The following CPB1 variants were observed in gnomAD, a reference collection of about 807,000 sequenced individuals.
CPB1 encodes the protein carboxypeptidase B1.
CPB1 carries 53 observed loss-of-function variants against 51.4 expected under a neutral mutation model. The observed-to-expected ratio is 1.03, with a 90% CI of 0.83 to 1.30. CPB1 has a LOEUF of 1.30. CPB1 is among the 50% of genes most tolerant of loss of function. The probability of loss-of-function intolerance (pLI) is 0.00; values close to 1 mark genes in which losing one functional copy is unlikely to be tolerated. For synonymous variants in CPB1, 189 were observed against 186.9 expected (o/e 1.01, Z -0.09); for missense variants, 494 against 516.2 (o/e 0.96, Z 0.42).
chr3:148,838,613 C>A (rs1271198747), intron 3 of CPB1, among the ~76,000 whole-genome samples: 1 of 151,972 alleles, frequency 6.6e-6, no homozygotes, highest in Non-Finnish European at 1.5e-5. Flanking sequence ...CCACGTTTTC[C>A]TGAGTTATGA....
chr3:148,850,034 G>C (rs1025509106), intron 9 of CPB1, among the ~76,000 whole-genome samples: 1 of 152,164 alleles, frequency 6.6e-6, no homozygotes. Flanking sequence ...TCTGCCTCTG[G>C]ACATTAATAA....
Position 148,857,465 on chromosome 3 carries a change from G to C in CPB1, c.990G>C (p.Leu330=). ...TCCTGTTTCTTTTGCAGAATGCCCT[G>C]GCTAAAGCTACTGTGAAAGAACTTG... ...LGENNAELNA[L]AKATVKELAS... is the part of the protein sequence containing the mutation. Residue 330 remains leucine, a synonymous_variant, in exon 10 of 11, where the codon CTG becomes CTC. Coordinates refer to ENST00000282957, the MANE Select transcript of CPB1 (RefSeq NM_001871.3). 2.5e-6 allele frequency: 4 copies of C among 1,613,580 alleles called. No individual in the cohort carries two copies. Among genetic ancestry groups the C allele is most frequent in the Non-Finnish European group, 3.4e-6 (4 of 1,179,684 alleles).
At chr3:148,854,351 G>A (rs1713516451) in intron 9 of CPB1, 1 of 152,066 alleles carries the variant, frequency 6.6e-6, no homozygotes, top group African/African-American at 2.4e-5. Context: ...CTGATTCCAG[G>A]GATTTTTGTT....
intron 6 of CPB1, among the ~76,000 whole-genome samples, chr3:148,842,255 T>C (rs1367268067): frequency 6.6e-6 from 1 of 152,148 alleles, no homozygotes; most frequent in East Asian, 1.9e-4. Context: ...TGAATTTCAC[T>C]CATCTGAACT....
At chr3:148,829,581 T>C (rs1712671483) in intron 2 of CPB1, among the ~76,000 whole-genome samples, 1 of 152,230 alleles carries the variant, frequency 6.6e-6, no homozygotes, top group African/African-American at 2.4e-5. Flanking sequence ...TTAAGATTTA[T>C]CTTGACAGCC....
In CPB1 at chr3:148,845,498, G is replaced by A. The variant is rs1222184171; in HGVS notation, c.853G>A (p.Ala285Thr). The change falls in exon 9 of 11, where the codon GCC (alanine) becomes ACC (threonine). Residue 285 changes from alanine to threonine, a missense_variant. Ala to Thr is a moderately conservative substitution (Grantham distance 58). Transcript: ENST00000282957. ...PAAESEKETK[A>T]LADFIRNKLS... ...CGCAGAGTCTGAAAAGGAGACCAAGGCCCTGGCTGATTTCATCCGCAACAA... is the reference window on the plus strand; with the variant it reads ...CGCAGAGTCTGAAAAGGAGACCAAGACCCTGGCTGATTTCATCCGCAACAA... 3.1e-6 allele frequency: 5 copies of A among 1,613,774 alleles called. No individual in the cohort carries two copies. The African/African-American group carries it at 5.3e-5, about 17-fold the overall frequency.
intron 9 of CPB1, among the ~76,000 whole-genome samples, chr3:148,852,792 T>G (rs538301424): frequency 9.9e-5 from 15 of 152,240 alleles, no homozygotes; most frequent in Non-Finnish European, 1.8e-4. Flanking sequence ...ATAAAAAGTT[T>G]GGTTTTCATC....
chr3:148,856,334 A>G (rs1713566610), intron 9 of CPB1: 1 of 152,246 alleles, frequency 6.6e-6, no homozygotes, highest in Non-Finnish European at 1.5e-5. Context: ...TTAATGCTAT[A>G]GGAATTGGAA....
chr3:148,831,822 C>T (rs997979253), intron 2 of CPB1, among the ~76,000 whole-genome samples: 2 of 152,334 alleles, frequency 1.3e-5, no homozygotes, highest in Non-Finnish European at 2.9e-5. Flanking sequence ...ACATACATCT[C>T]ATTCACAAGG....
intron 3 of CPB1, among the ~76,000 whole-genome samples, chr3:148,835,549 T>C (rs544204110): frequency 6.6e-6 from 1 of 152,254 alleles, no homozygotes; most frequent in South Asian, 2.1e-4. Context: ...ACAGACCATA[T>C]GCTGAGGCTT....
chr3:148,834,819 G>T (rs1311121143), intron 3 of CPB1, among the ~76,000 whole-genome samples, 197 bp downstream of exon 3: 2 of 152,102 alleles, frequency 1.3e-5, no homozygotes, highest in African/African-American at 2.4e-5. Flanking sequence ...TTTAGTTATT[G>T]CTCTAATTAA....
At chr3:148,844,399 C>T (rs1346679153) in intron 6 of CPB1, 79 bp from the exon 7 acceptor site, 3 of 1,019,890 alleles carry the variant, frequency 2.9e-6, no homozygotes, top group African/African-American at 1.6e-5. Flanking sequence ...CCAAAGTTAA[C>T]ATTCAACAGT....
At chr3:148,837,805 C>T (rs957039196) in intron 3 of CPB1, among the ~76,000 whole-genome samples, 8 of 152,000 alleles carry the variant, frequency 5.3e-5, no homozygotes, top group African/African-American at 1.9e-4. Context: ...TCTTGGGTGT[C>T]ATCTTCAATT....
intron 10 of CPB1, among the ~76,000 whole-genome samples, chr3:148,858,137 G>A (rs1240971590): frequency 1.3e-5 from 2 of 152,110 alleles, no homozygotes; most frequent in East Asian, 3.9e-4. Context: ...TGTGATACAG[G>A]TGCTAAGTGC....
intron 9 of CPB1, chr3:148,851,272 T>A (rs1193485863): frequency 1.5e-5 from 2 of 136,404 alleles, no homozygotes; most frequent in African/African-American, 5.6e-5. Flanking sequence ...GAGGCAGAGG[T>A]TGCAGTGAGC....
chr3:148,843,610 G>A (rs1713152956), intron 6 of CPB1, among the ~76,000 whole-genome samples: 1 of 151,916 alleles, frequency 6.6e-6, no homozygotes. Context: ...AAAAGCACAT[G>A]CTTTATCATG....
At chr3:148,833,082 G>T (rs964057849) in intron 2 of CPB1, among the ~76,000 whole-genome samples, 1 of 152,008 alleles carries the variant, frequency 6.6e-6, no homozygotes, top group African/African-American at 2.4e-5. Flanking sequence ...CACAATGTTG[G>T]CTAACTAGAA....
At chr3:148,845,667 A>T in intron 9 of CPB1, 41 bp downstream of exon 9, 1 of 1,471,248 alleles carries the variant, frequency 6.8e-7, no homozygotes, top group South Asian at 1.2e-5. Flanking sequence ...TACTATTGAG[A>T]TTTTTTAAAT....
chr3:148,857,915 A>G (rs1441570989), intron 10 of CPB1, among the ~76,000 whole-genome samples: 1 of 152,088 alleles, frequency 6.6e-6, no homozygotes, highest in Non-Finnish European at 1.5e-5. Flanking sequence ...AAAAGGGAGG[A>G]GGAGAAAAAT....
Sources: gnomAD v4.1 joint callset for allele counts (sites outside exome capture counted in the v4.1 genomes callset) on GRCh38, gnomAD v4.1.1 for gene constraint, MANE v1.5 for transcripts, NCBI Gene and HGNC (gene_info 2026-07-23, HGNC 2026-07-21) for gene names.